The following ANKS1B variants were observed in gnomAD, a reference collection of about 807,000 sequenced individuals.
ANKS1B encodes ankyrin repeat and sterile alpha motif domain containing 1B, also known as ankyrin repeat and sterile alpha motif domain-containing protein 1B.
Under a neutral mutation model 148.3 loss-of-function variants are expected in ANKS1B, and 36 were observed. The observed-to-expected ratio is 0.24, with a 90% CI of 0.19 to 0.32. The LOEUF is 0.32. Ranked by LOEUF, ANKS1B falls within the 10% of genes least tolerant of loss-of-function variation. The probability of loss-of-function intolerance (pLI) is 1.00; values close to 1 mark genes in which losing one functional copy is unlikely to be tolerated. For synonymous variants in ANKS1B, 542 were observed against 560.8 expected (o/e 0.97, Z 0.47); for missense variants, 1,157 against 1,542.6 (o/e 0.75, Z 4.19).
chr12:99,084,525 T>C (rs1424582962), intron 16 of ANKS1B, among the ~76,000 whole-genome samples: 1 of 152,080 alleles, frequency 6.6e-6, no homozygotes, highest in East Asian at 1.9e-4. Flanking sequence ...CTGGCCAACA[T>C]GGCAAAATCC....
intron 25 of ANKS1B, among the ~76,000 whole-genome samples, chr12:98,768,503 G>A (rs2098517890): frequency 1.3e-5 from 2 of 150,524 alleles, no homozygotes; most frequent in East Asian, 4.0e-4. Context: ...GGGAGGCCGA[G>A]GCGGGCGGAT....
intron 14 of ANKS1B, among the ~76,000 whole-genome samples, chr12:99,180,271 GTACATA>G (rs1601453727): frequency 6.6e-6 from 1 of 152,104 alleles, no homozygotes; most frequent in African/African-American, 2.4e-5. Context: ...TGTTAAAAAT[GTACATA>G]TACATTGCAT....
At chr12:99,531,656 G>A (rs565549194) in intron 9 of ANKS1B, among the ~76,000 whole-genome samples, 4 of 152,262 alleles carry the variant, frequency 2.6e-5, no homozygotes, top group South Asian at 4.1e-4. Flanking sequence ...TGTGAATTGT[G>A]TTGCAATTAA....
chr12:99,022,691 T>C (rs2099946517), intron 17 of ANKS1B, among the ~76,000 whole-genome samples: 1 of 152,014 alleles, frequency 6.6e-6, no homozygotes, highest in African/African-American at 2.4e-5. Context: ...GGGGTTTTCT[T>C]TTCTTTTTTT....
chr12:99,584,316 T>C (rs1597528249), intron 9 of ANKS1B, among the ~76,000 whole-genome samples: 1 of 152,160 alleles, frequency 6.6e-6, no homozygotes, highest in Admixed American at 6.5e-5. Context: ...AAACATACTA[T>C]AGGCCAGGCA....
At chr12:99,237,247 T>C (rs562885433) in intron 14 of ANKS1B, among the ~76,000 whole-genome samples, 1 of 152,280 alleles carries the variant, frequency 6.6e-6, no homozygotes, top group South Asian at 2.1e-4. Context: ...ATTCACATAC[T>C]TTTCAACTGT....
At chr12:99,911,093 C>T (rs1277094829) in intron 1 of ANKS1B, among the ~76,000 whole-genome samples, 2 of 152,066 alleles carry the variant, frequency 1.3e-5, no homozygotes, top group Non-Finnish European at 2.9e-5. Flanking sequence ...TATGAGAAAA[C>T]TGAGATTTAG....
At chr12:99,517,091 A>G (rs1034400802) in intron 9 of ANKS1B, among the ~76,000 whole-genome samples, 5 of 152,146 alleles carry the variant, frequency 3.3e-5, no homozygotes, top group Admixed American at 3.3e-4. Flanking sequence ...TTAAATCTGT[A>G]CATTGCTTTG....
intron 17 of ANKS1B, chr12:98,893,496 C>T (rs2099757037): frequency 1.3e-5 from 2 of 152,234 alleles, no homozygotes; most frequent in African/African-American, 4.8e-5. Flanking sequence ...ACTAGACTCT[C>T]TTAGTAACTT....
At chr12:99,091,842 A>G (rs990883810) in intron 15 of ANKS1B, among the ~76,000 whole-genome samples, 19 of 152,132 alleles carry the variant, frequency 1.2e-4, no homozygotes, top group African/African-American at 4.6e-4. Context: ...CTGATAGGAG[A>G]CTTTCTCAAG....
chr12:99,929,522 T>C (rs1474589300), intron 1 of ANKS1B, among the ~76,000 whole-genome samples: 1 of 152,224 alleles, frequency 6.6e-6, no homozygotes, highest in East Asian at 1.9e-4. Flanking sequence ...TTTGTCAATT[T>C]TGGCTTTTGT....
At chr12:99,906,358 CTT>C (rs1236697751) in intron 1 of ANKS1B, among the ~76,000 whole-genome samples, 1 of 152,222 alleles carries the variant, frequency 6.6e-6, no homozygotes. Flanking sequence ...ATATTACTCT[CTT>C]TGTGACTTTG....
chr12:98,745,292 GA>G lies in ANKS1B; in HGVS notation c.*446del. ...GATTTTACAGATGCTTTGGAGGTGG[GA>G]GGGGTAGTGCTGCTCTGATTTCACC... On this transcript the variant is annotated 3_prime_UTR_variant, in exon 27 of 27. Coordinates refer to ENST00000683438, the MANE Select transcript of ANKS1B (RefSeq NM_001352186.2). 2.0e-6 allele frequency: 2 copies of G among 985,598 alleles called. No homozygotes were observed. The highest frequency in any genetic ancestry group is 2.4e-6 in the Non-Finnish European group (2 of 830,130). 61.1% of individuals were successfully genotyped at this position (985,598 alleles called of 1,614,324 possible). A position where few individuals can be genotyped will look rare whatever the true frequency, so the allele number is the denominator to read the frequency against.
chr12:99,330,085 C>A (rs753594447), intron 12 of ANKS1B, among the ~76,000 whole-genome samples: 2 of 151,820 alleles, frequency 1.3e-5, no homozygotes, highest in African/African-American at 4.8e-5. Context: ...CTGCTTAATT[C>A]TTCAGTTCAC....
At position 99,585,683 on chromosome 12, in the gene ANKS1B, T is replaced by G. The variant is rs544737467; in HGVS notation, c.1272+69384A>C. Among the ~76,000 whole-genome samples the G allele has an allele frequency of 7.9e-5, 12 of 152,294 alleles. No homozygotes were observed. The South Asian group carries it at 2.3e-3, about 29-fold the overall frequency. On this transcript the variant is annotated intron_variant, in intron 9 of 26. Coordinates refer to ENST00000683438, the MANE Select transcript of ANKS1B (RefSeq NM_001352186.2). ...GTTTCCATACATCCTCCAAAATCTA[T>G]GTGAAAGTTCCCAAACCTCAATTCT...
intron 12 of ANKS1B, among the ~76,000 whole-genome samples, chr12:99,317,197 C>A (rs2084286447): frequency 6.6e-6 from 1 of 152,238 alleles, no homozygotes; most frequent in East Asian, 1.9e-4. Context: ...TTTTCCAATT[C>A]TGTGAAGAAA....
intron 14 of ANKS1B, among the ~76,000 whole-genome samples, chr12:99,186,339 C>T (rs1373638355): frequency 6.6e-6 from 1 of 152,188 alleles, no homozygotes; most frequent in African/African-American, 2.4e-5. Context: ...TTCCTGCCTG[C>T]CAGCGCTGAA....
At chr12:98,903,324 A>G (rs1313986573) in intron 17 of ANKS1B, among the ~76,000 whole-genome samples, 1 of 152,118 alleles carries the variant, frequency 6.6e-6, no homozygotes, top group Non-Finnish European at 1.5e-5. Flanking sequence ...CAACCTTAAA[A>G]GAGCTGGCCA....
In ANKS1B at chr12:99,579,296, C is replaced by T. The variant is rs370768684; in HGVS notation, c.1273-74655G>A. Among the ~76,000 whole-genome samples the T allele has an allele frequency of 2.0e-3, 307 of 152,184 alleles. 1 individual carries two copies. The highest frequency in any genetic ancestry group is 7.2e-3 in the African/African-American group (299 of 41,548). On this transcript the variant is annotated intron_variant, in intron 9 of 26. Transcript: ENST00000683438. ...TTTTGGACATAGGTCTGGGCAAAGA[C>T]TTCACGATGAAGTCTCCAAAAGCAA...
Sources: allele counts gnomAD v4.1 joint callset (sites outside exome capture counted in the v4.1 genomes callset), GRCh38; gene constraint gnomAD v4.1.1; transcripts MANE v1.5; gene names NCBI Gene and HGNC (gene_info 2026-07-23, HGNC 2026-07-21).